The following ITGB6 variants were observed in gnomAD, a reference collection of about 807,000 sequenced individuals.
ITGB6 encodes the protein integrin subunit beta 6, also known as integrin beta-6.
A neutral mutation model predicts 84.5 loss-of-function variants in ITGB6; 80 were observed. The observed-to-expected ratio is 0.95, with a 90% confidence interval of 0.79 to 1.14. ITGB6 has a LOEUF of 1.14. Ranked by LOEUF, ITGB6 falls within the 50% of genes most tolerant of loss-of-function variation. ITGB6 has a pLI of 0.00. For synonymous variants in ITGB6, 383 were observed against 354.9 expected, an observed-to-expected ratio of 1.08 and a Z score of -0.89; for missense variants, 1,006 against 968.0, an observed-to-expected ratio of 1.04 and a Z score of -0.52.
intron 7 of ITGB6, among the ~76,000 whole-genome samples, chr2:160,164,039 A>G (rs976411647): frequency 2.0e-5 from 3 of 152,226 alleles, no homozygotes; most frequent in Non-Finnish European, 4.4e-5. Flanking sequence ...TGCTCCTTAT[A>G]GGAAAGATAG....
chr2:160,138,755 T>C (rs1037418147), intron 8 of ITGB6, among the ~76,000 whole-genome samples: 1 of 152,262 alleles, frequency 6.6e-6, no homozygotes, highest in South Asian at 2.1e-4. Flanking sequence ...TACACCCTGC[T>C]GCTCTGTTTT....
intron 7 of ITGB6, among the ~76,000 whole-genome samples, chr2:160,158,364 A>G (rs1239344321): frequency 1.3e-5 from 2 of 152,218 alleles, no homozygotes; most frequent in Non-Finnish European, 2.9e-5. Flanking sequence ...ACAGAGTGAT[A>G]AGGGAAGACA....
intron 7 of ITGB6, among the ~76,000 whole-genome samples, chr2:160,147,647 A>T (rs1684250078): frequency 6.6e-6 from 1 of 152,220 alleles, no homozygotes; most frequent in South Asian, 2.1e-4. Context: ...AATGTAACAG[A>T]ATAGAGAGCC....
chr2:160,116,725 G>C (rs1469935837), intron 12 of ITGB6, among the ~76,000 whole-genome samples: 1 of 152,172 alleles, frequency 6.6e-6, no homozygotes, highest in Non-Finnish European at 1.5e-5. Flanking sequence ...TGGCAAATTG[G>C]ATGAAGACTC....
chr2:160,129,888 GTA>G (rs1057486495), intron 10 of ITGB6, among the ~76,000 whole-genome samples: 10 of 151,932 alleles, frequency 6.6e-5, no homozygotes, highest in African/African-American at 2.4e-4. Flanking sequence ...ATTTCTGTAG[GTA>G]TGTGTGTGCA....
chr2:160,110,940 G>A (rs994717106), intron 13 of ITGB6, among the ~76,000 whole-genome samples: 15 of 152,260 alleles, frequency 9.9e-5, no homozygotes, highest in African/African-American at 3.6e-4. Flanking sequence ...TTAAGCCTCC[G>A]GGAGGTTATG....
At chr2:160,199,644 T>C (rs2105902214) in intron 1 of ITGB6, among the ~76,000 whole-genome samples, 1 of 152,336 alleles carries the variant, frequency 6.6e-6, no homozygotes, top group Admixed American at 6.5e-5. Flanking sequence ...GTTTTTGAAA[T>C]AAATCCTCTT....
chr2:160,130,107 T>C (rs1559122172), intron 10 of ITGB6, among the ~76,000 whole-genome samples: 2 of 152,220 alleles, frequency 1.3e-5, no homozygotes, highest in East Asian at 3.9e-4. Context: ...GTATAGCCTA[T>C]TGCTCCTAGG....
intron 10 of ITGB6, among the ~76,000 whole-genome samples, chr2:160,137,182 C>G (rs1482198244): frequency 6.6e-6 from 1 of 152,042 alleles, no homozygotes; most frequent in African/African-American, 2.4e-5. Flanking sequence ...AGAGAGAAGG[C>G]ACTTGTATCT....
intron 12 of ITGB6, among the ~76,000 whole-genome samples, chr2:160,113,350 A>T (rs1682615536): frequency 6.6e-6 from 1 of 152,240 alleles, no homozygotes; most frequent in East Asian, 1.9e-4. Context: ...CCATAGATAG[A>T]AATATTAAGT....
chr2:160,196,388 C>A lies in ITGB6; in HGVS notation c.174G>T (p.Arg58Ser). ...NFTHPSGVGERCDTPANLLAK... is the reference protein window; with the variant it reads ...NFTHPSGVGESCDTPANLLAK... ...CTAAAAGGTTTGCTGGGGTATCACACCTTTCGCCAACTCCAGATGGATGAG... is the reference window on the plus strand; with the variant it reads ...CTAAAAGGTTTGCTGGGGTATCACAACTTTCGCCAACTCCAGATGGATGAG... Residue 58 changes from arginine to serine, a missense_variant, in exon 3 of 15, where the codon AGG (arginine) becomes AGT (serine). Physicochemically the swap from Arg to Ser is moderately radical, Grantham distance 110 (BLOSUM62 -1). Transcript: ENST00000283249. 2 of 1,613,834 alleles carry A rather than the reference C, an allele frequency of 1.2e-6. No homozygotes were observed. Among genetic ancestry groups the A allele is most frequent in the South Asian group, 1.1e-5 (1 of 91,066 alleles).
rs1697053670 is a variant in ITGB6, at chr2:160,109,760, A to G, written c.2102-1915T>C. Among the ~76,000 whole-genome samples, 5 of 152,310 alleles carry G rather than the reference A, an allele frequency of 3.3e-5. No homozygotes were observed. In the South Asian group the frequency reaches 1.0e-3, roughly 32 times the overall value. On this transcript the variant is annotated intron_variant, in intron 13 of 14. Coordinates refer to ENST00000283249, the MANE Select transcript of ITGB6 (RefSeq NM_000888.5). ...TCGAGTCCAGGTTGGTGCAGCACCT[A>G]CTTCTAAGGTCCTGAGTATCTAACT...
Position 160,137,686 on chromosome 2 carries a change from C to T in ITGB6, c.1408G>A (p.Gly470Arg), listed in dbSNP as rs55841905. Residue 470 changes from glycine (G) to arginine (R), a missense_variant, in exon 10 of 15, where the codon GGG becomes AGG. Coordinates refer to ENST00000283249, the MANE Select transcript of ITGB6 (RefSeq NM_000888.5). ...ACCCCACACTGGAAAGAGCCGTTCCCGTGGTGACATTTGGAGCTGTTCACT... is the reference window on the plus strand; with the variant it reads ...ACCCCACACTGGAAAGAGCCGTTCCTGTGGTGACATTTGGAGCTGTTCACT... ...VEVNSSKCHH[G>R]NGSFQCGVCA... 19,385 of 1,614,156 alleles carry T rather than the reference C, an allele frequency of 0.012. 185 individuals are homozygous for T. The highest frequency in any genetic ancestry group is 0.025 in the Middle Eastern group (152 of 6,062).
intron 7 of ITGB6, among the ~76,000 whole-genome samples, chr2:160,147,703 G>A (rs1240695707): frequency 3.9e-5 from 6 of 152,080 alleles, no homozygotes; most frequent in East Asian, 3.9e-4. Context: ...CTTGACAAAG[G>A]AGCAAAGGCA....
intron 4 of ITGB6, among the ~76,000 whole-genome samples, chr2:160,180,434 G>C (rs60801510): frequency 0.15 from 22,843 of 152,086 alleles, 2,282 homozygotes; most frequent in East Asian, 0.32. Context: ...CCTGGAAAAA[G>C]GGTGGCTTTT....
At position 160,137,839 on chromosome 2, in the gene ITGB6, C is replaced by G. The variant is rs755642266; in HGVS notation, c.1255G>C (p.Val419Leu). 32 of 1,612,908 alleles carry G rather than the reference C, an allele frequency of 2.0e-5. No individual in the cohort carries two copies. Among genetic ancestry groups the G allele is most frequent in the Non-Finnish European group, 2.6e-5 (31 of 1,179,112 alleles). Residue 419 changes from valine to leucine, a missense_variant, in exon 10 of 15, where the codon GTG (valine) becomes CTG (leucine). Transcript: ENST00000283249. ...TCGCAGTGTGGGATATTCACAGTCA[C>G]GCTGAAGGAAGCCTGGAAAAGAAAA... ...MKVGDTASFS[V>L]TVNIPHCERR...
intron 6 of ITGB6, among the ~76,000 whole-genome samples, chr2:160,170,427 T>C (rs1255247522): frequency 6.6e-6 from 1 of 152,250 alleles, no homozygotes; most frequent in Non-Finnish European, 1.5e-5. Context: ...CCATTTCCTC[T>C]GCTTTTCAAC....
chr2:160,134,178 A>C (rs1265537666), intron 10 of ITGB6, among the ~76,000 whole-genome samples: 1 of 152,220 alleles, frequency 6.6e-6, no homozygotes, highest in East Asian at 1.9e-4. Flanking sequence ...AAAGAAGAAA[A>C]GAGAGAAGAA....
chr2:160,160,844 A>AG (rs1479859123), intron 7 of ITGB6, among the ~76,000 whole-genome samples: 1 of 152,176 alleles, frequency 6.6e-6, no homozygotes, highest in Non-Finnish European at 1.5e-5. Context: ...GAAAGGCTTT[A>AG]GGGGATACAT....
Sources: gnomAD v4.1 joint callset for allele counts (sites outside exome capture counted in the v4.1 genomes callset) on GRCh38, gnomAD v4.1.1 for gene constraint, MANE v1.5 for transcripts, NCBI Gene and HGNC (gene_info 2026-07-23, HGNC 2026-07-21) for gene names.